Variants in EXOC4 observed in about 807,000 individuals in gnomAD.
EXOC4 encodes SEC8-like 1.
Under a neutral mutation model 107.2 loss-of-function variants are expected in EXOC4, and 71 were observed. That is an observed-to-expected ratio of 0.66 (90% CI 0.55 to 0.81). The LOEUF (loss-of-function observed/expected upper bound fraction) is 0.81. Among genes scored for constraint, EXOC4 ranks in the 30% least tolerant of loss-of-function variants. The probability of loss-of-function intolerance (pLI) is 0.00; values close to 1 mark genes in which losing one functional copy is unlikely to be tolerated. For missense variants in EXOC4, 1,108 were observed against 1,189.6 expected (o/e 0.93, Z 1.01); for synonymous variants, 456 against 441.2 (o/e 1.03, Z -0.42).
chr7:133,834,178 A>G (rs1451800066), intron 11 of EXOC4, among the ~76,000 whole-genome samples: 1 of 152,012 alleles, frequency 6.6e-6, no homozygotes, highest in Non-Finnish European at 1.5e-5. Flanking sequence ...TTAATTCATA[A>G]TACTCTCCAC....
At chr7:133,672,748 G>A (rs1212413767) in intron 10 of EXOC4, among the ~76,000 whole-genome samples, 2 of 152,140 alleles carry the variant, frequency 1.3e-5, no homozygotes, top group East Asian at 3.9e-4. Flanking sequence ...AGTGAAGAAA[G>A]TGTTTTAATG....
intron 9 of EXOC4, among the ~76,000 whole-genome samples, chr7:133,625,277 G>A (rs932874649): frequency 2.6e-5 from 4 of 152,204 alleles, no homozygotes; most frequent in Admixed American, 1.3e-4. Context: ...TGTACTGAAT[G>A]CCCTTATCTA....
At chr7:133,398,967 C>T (rs1797030863) in intron 7 of EXOC4, among the ~76,000 whole-genome samples, 1 of 152,018 alleles carries the variant, frequency 6.6e-6, no homozygotes, top group Non-Finnish European at 1.5e-5. Context: ...TATTATTATC[C>T]TCATTTAGAA....
intron 9 of EXOC4, among the ~76,000 whole-genome samples, chr7:133,546,102 CCAGT>C (rs1800475503): frequency 6.6e-6 from 1 of 152,090 alleles, no homozygotes; most frequent in Non-Finnish European, 1.5e-5. Flanking sequence ...TGTTTTATAG[CCAGT>C]CACTCTGTTG....
At chr7:133,915,835 T>A (rs1674362958) in intron 12 of EXOC4, among the ~76,000 whole-genome samples, 1 of 152,218 alleles carries the variant, frequency 6.6e-6, no homozygotes, top group African/African-American at 2.4e-5. Flanking sequence ...TTTTTGTGTC[T>A]CTGACCATGG....
chr7:133,664,105 C>T (rs7792610), intron 10 of EXOC4, among the ~76,000 whole-genome samples: 165 of 152,244 alleles, frequency 1.1e-3, no homozygotes, highest in African/African-American at 3.6e-3. Context: ...AATACCTTTA[C>T]GGCTTTTCTC....
chr7:133,580,248 A>C (rs1270311235), intron 9 of EXOC4, among the ~76,000 whole-genome samples: 4 of 152,128 alleles, frequency 2.6e-5, no homozygotes, highest in Non-Finnish European at 5.9e-5. Flanking sequence ...TGGCGTGTAC[A>C]TTATTTGGGT....
chr7:133,366,685 T>C (rs1796255694), intron 6 of EXOC4, among the ~76,000 whole-genome samples: 1 of 152,176 alleles, frequency 6.6e-6, no homozygotes, highest in Admixed American at 6.5e-5. Flanking sequence ...TAATCAGGCC[T>C]CTCTCCCATT....
chr7:133,382,485 G>A (rs142483861), intron 7 of EXOC4, among the ~76,000 whole-genome samples: 122 of 152,138 alleles, frequency 8.0e-4, no homozygotes, highest in African/African-American at 2.8e-3. Context: ...AAGATTTTTG[G>A]TTAAGTTTCT....
At chr7:133,926,042 CAAAAAA>C (rs552126104) in intron 13 of EXOC4, among the ~76,000 whole-genome samples, 9 of 104,712 alleles carry the variant, frequency 8.6e-5, no homozygotes, top group Non-Finnish European at 1.2e-4. Context: ...GACTCCGTCT[CAAAAAA>C]AAAAAAAAAA....
At chr7:133,822,060 G>A (rs1797534601) in intron 11 of EXOC4, among the ~76,000 whole-genome samples, 1 of 152,136 alleles carries the variant, frequency 6.6e-6, no homozygotes, top group Non-Finnish European at 1.5e-5. Flanking sequence ...ACATCTCATG[G>A]TCTTACCATT....
chr7:133,804,612 T>C (rs761182151), intron 10 of EXOC4, among the ~76,000 whole-genome samples: 7 of 152,180 alleles, frequency 4.6e-5, no homozygotes, highest in Admixed American at 2.0e-4. Flanking sequence ...AGACAATATA[T>C]ACTATAATTT....
At chr7:133,714,783 G>A (rs1794965971) in intron 10 of EXOC4, among the ~76,000 whole-genome samples, 1 of 152,132 alleles carries the variant, frequency 6.6e-6, no homozygotes, top group Admixed American at 6.5e-5. Context: ...ATGGGCAGTG[G>A]GCTGGGTTGG....
At chr7:134,086,339 T>C in the EXOC4 span, among the ~76,000 whole-genome samples, 1 of 152,216 alleles carries the variant, frequency 6.6e-6, no homozygotes, top group Admixed American at 6.5e-5. Context: ...AATTCCACAG[T>C]TGACCTCATG....
At position 133,261,075 on chromosome 7, in the gene EXOC4, G is replaced by A. The variant is rs142268483; in HGVS notation, c.86+7888G>A. 3.6e-4 allele frequency among the ~76,000 whole-genome samples: 54 copies of A among 151,908 alleles called. 1 individual carries two copies. The East Asian group carries it at 0.01, about 29-fold the overall frequency. ...ATACAGAAGCTTATCTTCTTTATCT[G>A]GAAGTTTGCTTTGGGTCTTTTTCAT... On this transcript the variant is annotated intron_variant, in intron 1 of 17. Coordinates refer to ENST00000253861, the MANE Select transcript of EXOC4 (RefSeq NM_021807.4).
At position 133,855,230 on chromosome 7, in the gene EXOC4, G is replaced by A. The variant is rs1798350036; in HGVS notation, c.1734+37686G>A. Among the ~76,000 whole-genome samples the A allele has an allele frequency of 2.0e-5, 3 of 148,138 alleles. No homozygotes were observed. The South Asian group carries it at 6.4e-4, about 31-fold the overall frequency. On this transcript the variant is annotated intron_variant, in intron 11 of 17. Coordinates refer to ENST00000253861, the MANE Select transcript of EXOC4 (RefSeq NM_021807.4). The stretch of plus-strand genomic sequence containing the variant: ...ATGTACGGCTTACCCCAGACAATCA[G>A]TAGAGCACCTCTGCTGCTTTATACT...
intron 7 of EXOC4, among the ~76,000 whole-genome samples, chr7:133,435,260 C>G (rs1353977429): frequency 6.6e-6 from 1 of 152,084 alleles, no homozygotes; most frequent in Non-Finnish European, 1.5e-5. Flanking sequence ...GGACAACGTT[C>G]CATCGTGCTG....
chr7:133,336,476 C>CT (rs1174538112), intron 5 of EXOC4, among the ~76,000 whole-genome samples: 1 of 152,150 alleles, frequency 6.6e-6, no homozygotes, highest in Non-Finnish European at 1.5e-5. Flanking sequence ...ATCACAGTGC[C>CT]TGTTTCCCCA....
intron 14 of EXOC4, among the ~76,000 whole-genome samples, chr7:133,970,361 T>G (rs985924462): frequency 6.6e-6 from 1 of 151,794 alleles, no homozygotes; most frequent in African/African-American, 2.4e-5. Context: ...AATGGTTCTG[T>G]CTCGCTGGCA....
Sources: allele counts gnomAD v4.1 joint callset (sites outside exome capture counted in the v4.1 genomes callset), GRCh38; gene constraint gnomAD v4.1.1; transcripts MANE v1.5; gene names NCBI Gene and HGNC (gene_info 2026-07-23, HGNC 2026-07-21).